ECT2: variants seen among roughly 807,000 people sequenced by gnomAD.
ECT2 encodes epithelial cell transforming 2, also known as protein ECT2.
In ECT2, 61 loss-of-function variants were observed where a neutral mutation model predicts 116.9. That is an observed-to-expected ratio of 0.52 (90% CI 0.42 to 0.65). The LOEUF (loss-of-function observed/expected upper bound fraction) is 0.65. ECT2 is among the 30% of genes least tolerant of loss of function. The pLI, the probability that ECT2 is intolerant of heterozygous loss-of-function variation, is 0.00. For synonymous variants in ECT2, 358 were observed against 346.4 expected, an observed-to-expected ratio of 1.03 and a Z score of -0.37; for missense variants, 937 against 1,078.7, an observed-to-expected ratio of 0.87 and a Z score of 1.84.
chr3:172,812,767 T>G (rs1729001804), intron 22 of ECT2, among the ~76,000 whole-genome samples: 1 of 152,154 alleles, frequency 6.6e-6, no homozygotes, highest in African/African-American at 2.4e-5. Flanking sequence ...TGCCTCTATA[T>G]CTTATGGACA....
chr3:172,756,290 TA>T (rs201546235), intron 4 of ECT2, among the ~76,000 whole-genome samples: 79 of 152,176 alleles, frequency 5.2e-4, no homozygotes, highest in African/African-American at 1.5e-3. Flanking sequence ...CATTTTGAGT[TA>T]AAAAAAAATT....
At chr3:172,759,679 C>T (rs1052632043) in intron 6 of ECT2, among the ~76,000 whole-genome samples, 2 of 152,018 alleles carry the variant, frequency 1.3e-5, no homozygotes, top group Non-Finnish European at 1.5e-5. Context: ...CTCCTGACCT[C>T]GTGATCCGCT....
rs1726985251 is a variant in ECT2 at position 172,802,904 on chromosome 3, A to G, written c.2030A>G (p.Glu677Gly). Residue 677 changes from glutamate to glycine, a missense_variant, in exon 20 of 25, where the codon GAA (glutamate) becomes GGA (glycine). Transcript: ENST00000392692. ...SSHRSLVQRVETISLGEHPCD... is the reference protein window; with the variant it reads ...SSHRSLVQRVGTISLGEHPCD... ...CACCGAAGCTTAGTACAGCGGGTTG[A>G]AACAATTTCTCTAGGTGAGCACCCC... The G allele has an allele frequency of 6.2e-7, 1 of 1,613,390 alleles. No homozygotes were observed. Among genetic ancestry groups the G allele is most frequent in the Non-Finnish European group, 8.5e-7 (1 of 1,179,598 alleles).
At chr3:172,753,223 T>C (rs1716284899) in intron 1 of ECT2, among the ~76,000 whole-genome samples, 1 of 152,064 alleles carries the variant, frequency 6.6e-6, no homozygotes, top group African/African-American at 2.4e-5. Flanking sequence ...CCTCAGCCTC[T>C]TGAGTAGCTA....
intron 1 of ECT2, among the ~76,000 whole-genome samples, chr3:172,751,629 C>T (rs1715859765): frequency 2.6e-5 from 4 of 152,102 alleles, no homozygotes; most frequent in Non-Finnish European, 5.9e-5. Flanking sequence ...CATTTTAGTC[C>T]TTCACCTTGG....
chr3:172,789,459 T>TC (rs1432527062), intron 18 of ECT2, among the ~76,000 whole-genome samples: 2 of 152,086 alleles, frequency 1.3e-5, no homozygotes, highest in Admixed American at 1.3e-4. Flanking sequence ...TCACCTCGGC[T>TC]ACCCAAAGTA....
At chr3:172,775,068 T>C (rs138106493) in intron 14 of ECT2, among the ~76,000 whole-genome samples, 2 of 152,328 alleles carry the variant, frequency 1.3e-5, no homozygotes, top group African/African-American at 4.8e-5. Flanking sequence ...TCCTCTTTGG[T>C]GAAGGGCCTG....
intron 5 of ECT2, among the ~76,000 whole-genome samples, 184 bp downstream of exon 5, chr3:172,757,349 C>G (rs943811104): frequency 1.3e-5 from 2 of 151,592 alleles, no homozygotes; most frequent in Admixed American, 1.3e-4. Flanking sequence ...TGGTGAAAAG[C>G]TAAGGCCTTT....
At chr3:172,757,832 T>A (rs560459213) in intron 5 of ECT2, among the ~76,000 whole-genome samples, 1 of 152,308 alleles carries the variant, frequency 6.6e-6, no homozygotes, top group South Asian at 2.1e-4. Context: ...ATACCACGGT[T>A]CCATTTTTAT....
chr3:172,796,572 T>A (rs2108910693), intron 18 of ECT2: 1 of 152,328 alleles, frequency 6.6e-6, no homozygotes, highest in Non-Finnish European at 1.5e-5. Context: ...CTGCAGGCAT[T>A]TTCTGTTTCG....
chr3:172,760,558 A>C (rs1032156463), intron 7 of ECT2, among the ~76,000 whole-genome samples: 1 of 151,926 alleles, frequency 6.6e-6, no homozygotes, highest in Non-Finnish European at 1.5e-5. Flanking sequence ...TTGAGATTAC[A>C]TACGTGAGCC....
At chr3:172,816,890 G>T in intron 24 of ECT2, 53 bp downstream of exon 24, 1 of 1,366,532 alleles carries the variant, frequency 7.3e-7, no homozygotes, top group East Asian at 2.5e-5. Flanking sequence ...AGTTGTTATG[G>T]AATTTGTTAA....
chr3:172,759,006 G>A lies in ECT2; in HGVS notation c.513G>A (p.Leu171=), dbSNP rs868221057. 9.9e-6 allele frequency: 16 copies of A among 1,611,166 alleles called. No homozygotes were observed. In the Middle Eastern group the frequency reaches 2.3e-3, roughly 233 times the overall value. ...CTTTGCCATTTTCATGTCGCCCGTT[G>A]TATTGTACAAGTATGATGAATCTAG... ...GEPLPFSCRP[L]YCTSMMNLVL... is the part of the protein sequence containing the mutation. The change falls in exon 6 of 25, where the codon TTG becomes TTA. Residue 171 remains leucine, a synonymous_variant. Transcript: ENST00000392692.
chr3:172,762,889 A>C (rs1405930850), intron 10 of ECT2, 21 bp from the exon 11 acceptor site: 8 of 1,612,896 alleles, frequency 5.0e-6, no homozygotes, highest in Non-Finnish European at 6.8e-6. Flanking sequence ...TGTTTATTAA[A>C]ATGTTTTTTC....
rs1169507559 is a variant in ECT2, at chr3:172,758,965, T to G, written c.487-15T>G. On this transcript the variant is annotated splice_polypyrimidine_tract_variant and intron_variant, in intron 5 of 24. Coordinates refer to ENST00000392692, the MANE Select transcript of ECT2 (RefSeq NM_001258315.2). ...TAAAGAGAAAGCTCACATTTAAAAT[T>G]GTTGTATCCTTCAGCCTTTGCCATT... The G allele has an allele frequency of 1.8e-5, 28 of 1,588,522 alleles. No homozygotes were observed. Among genetic ancestry groups the G allele is most frequent in the Non-Finnish European group, 2.2e-5 (26 of 1,162,976 alleles).
rs764465351 is a variant in ECT2, at chr3:172,783,815, A to G, written c.1634A>G (p.Lys545Arg). 1.2e-6 allele frequency: 2 copies of G among 1,601,920 alleles called. No homozygotes were observed. Among genetic ancestry groups the G allele is most frequent in the Admixed American group, 3.4e-5 (2 of 58,384 alleles). The change falls in exon 16 of 25, where the codon AAA becomes AGA. Residue 545 changes from lysine (K) to arginine (R), a missense_variant. Coordinates refer to ENST00000392692, the MANE Select transcript of ECT2 (RefSeq NM_001258315.2). Reference sequence around the variant, plus strand: ...TCTTCCTAGTCAAAAGATTTGGTAAAAACCTACCCTCCCTTTGTAAACTTC... The same window carrying G: ...TCTTCCTAGTCAAAAGATTTGGTAAGAACCTACCCTCCCTTTGTAAACTTC... ...IFLKYSKDLVKTYPPFVNFFE... is the reference protein window; with the variant it reads ...IFLKYSKDLVRTYPPFVNFFE...
At chr3:172,774,164 T>C in intron 14 of ECT2, 142 bp downstream of exon 14, 1 of 784,758 alleles carries the variant, frequency 1.3e-6, no homozygotes, top group Non-Finnish European at 2.0e-6. Flanking sequence ...GAATCATTTG[T>C]CTCTTTGTTC....
the ECT2 span, among the ~76,000 whole-genome samples, chr3:172,827,501 T>C: frequency 6.6e-6 from 1 of 152,176 alleles, no homozygotes; most frequent in Non-Finnish European, 1.5e-5. Flanking sequence ...CTGGAGGACA[T>C]GTTAAGTCAA....
rs535588634 is a variant in ECT2 at position 172,811,856 on chromosome 3, A to G, written c.2401-3748A>G. On this transcript the variant is annotated intron_variant, in intron 22 of 24. Coordinates refer to ENST00000392692, the MANE Select transcript of ECT2 (RefSeq NM_001258315.2). ...ACATAAGAAAAAAGATCAAATATAC[A>G]ACAGTATACTGCAGTAAAATATGTC... 2.7e-4 allele frequency among the ~76,000 whole-genome samples: 41 copies of G among 152,354 alleles called. No individual in the cohort carries two copies. In the South Asian group the frequency reaches 7.0e-3, roughly 26 times the overall value.
Sources: allele counts gnomAD v4.1 joint callset (sites outside exome capture counted in the v4.1 genomes callset), GRCh38; gene constraint gnomAD v4.1.1; transcripts MANE v1.5; gene names NCBI Gene and HGNC (gene_info 2026-07-23, HGNC 2026-07-21).